The following FER variants were observed in gnomAD, a reference collection of about 807,000 sequenced individuals.
The protein encoded by FER is FER tyrosine kinase.
Under a neutral mutation model 111.0 loss-of-function variants are expected in FER, and 63 were observed. That is an observed-to-expected ratio of 0.57 (90% confidence interval 0.46 to 0.70). The LOEUF is 0.70. FER is among the 30% of genes least tolerant of loss of function. FER has a pLI of 0.00. For missense variants in FER, 914 were observed against 954.0 expected, an observed-to-expected ratio of 0.96 and a Z score of 0.55; for synonymous variants, 327 against 313.9, an observed-to-expected ratio of 1.04 and a Z score of -0.44.
At position 108,941,237 on chromosome 5, in the gene FER, A is replaced by G. The variant is rs564090035; in HGVS notation, c.1237-4893A>G. Among the ~76,000 whole-genome samples, 16 of 152,298 alleles carry G rather than the reference A, an allele frequency of 1.1e-4. No individual in the cohort carries two copies. The South Asian group carries it at 3.3e-3, about 32-fold the overall frequency. ...TTGATTTAAACTAAAACTGTAGCAA[A>G]GGCTAGAACCAACTTATTAACTACA... On this transcript the variant is annotated intron_variant, in intron 10 of 19. Coordinates refer to ENST00000281092, the MANE Select transcript of FER (RefSeq NM_005246.4).
At chr5:109,051,341 T>C (rs532455200) in intron 16 of FER, 78 of 1,607,698 alleles carry the variant, frequency 4.9e-5, no homozygotes, top group Admixed American at 3.7e-4. Context: ...GGCTGAGGCC[T>C]GCTGCTGGCA....
At chr5:109,112,238 G>A (rs771726169) in intron 17 of FER, among the ~76,000 whole-genome samples, 3 of 152,036 alleles carry the variant, frequency 2.0e-5, no homozygotes, top group Non-Finnish European at 2.9e-5. Flanking sequence ...TTATTATCCA[G>A]TTGTAGATGA....
chr5:108,946,138 G>A lies in FER; in HGVS notation c.1245G>A (p.Lys415=), dbSNP rs753625989. Reference sequence around the variant, plus strand: ...TTTCTTAATCCCTCCAGGAAAGAAAGGAGAGGCTATCCAAATTTGAATCTA... The same window carrying A: ...TTTCTTAATCCCTCCAGGAAAGAAAAGAGAGGCTATCCAAATTTGAATCTA... The part of the protein sequence containing the change: ...DARSVTSMER[K]ERLSKFESIR... The change falls in exon 11 of 20, where the codon AAG becomes AAA. Residue 415 remains lysine, a synonymous_variant. Coordinates refer to ENST00000281092, the MANE Select transcript of FER (RefSeq NM_005246.4). 8.2e-5 allele frequency: 132 copies of A among 1,611,552 alleles called. No homozygotes were observed. Among genetic ancestry groups the A allele is most frequent in the Non-Finnish European group, 1.1e-4 (129 of 1,178,352 alleles).
chr5:109,131,915 G>C (rs992484519), intron 17 of FER, among the ~76,000 whole-genome samples: 7 of 152,108 alleles, frequency 4.6e-5, no homozygotes, highest in Non-Finnish European at 1.0e-4. Context: ...TTTGCTGTCA[G>C]ACAGATCCAG....
At chr5:108,871,590 A>G in intron 7 of FER, 88 bp downstream of exon 7, 1 of 955,468 alleles carries the variant, frequency 1.0e-6, no homozygotes, top group East Asian at 2.6e-5. Context: ...AATAAGAAAT[A>G]CTTAAGATCT....
At chr5:108,984,176 C>G (rs1762314803) in intron 13 of FER, among the ~76,000 whole-genome samples, 1 of 151,900 alleles carries the variant, frequency 6.6e-6, no homozygotes, top group Admixed American at 6.6e-5. Context: ...TAAAAGATCC[C>G]TAAAAGTTTT....
At chr5:108,855,397 C>T (rs1762900835) in intron 5 of FER, among the ~76,000 whole-genome samples, 2 of 151,962 alleles carry the variant, frequency 1.3e-5, no homozygotes, top group African/African-American at 4.8e-5. Flanking sequence ...CTTTGGGAGG[C>T]CGAGGCGGGC....
chr5:109,065,924 T>C (rs966661697), intron 16 of FER, among the ~76,000 whole-genome samples: 2 of 152,188 alleles, frequency 1.3e-5, no homozygotes, highest in African/African-American at 4.8e-5. Context: ...AGAGTAAATT[T>C]GCCTAAATTA....
At chr5:109,054,624 T>A (rs1361423240) in intron 16 of FER, among the ~76,000 whole-genome samples, 2 of 152,218 alleles carry the variant, frequency 1.3e-5, no homozygotes, top group Non-Finnish European at 2.9e-5. Context: ...TTTTTTTCTT[T>A]TATGGATCAT....
intron 2 of FER, among the ~76,000 whole-genome samples, chr5:108,787,805 T>A (rs2081128): frequency 6.6e-6 from 1 of 151,976 alleles, no homozygotes; most frequent in Admixed American, 6.6e-5. Context: ...GGGCACACAT[T>A]GGGACAACCT....
rs559918572 is a variant in FER at position 108,978,512 on chromosome 5, T to A, written c.1656+19165T>A. Among the ~76,000 whole-genome samples, 24 of 152,372 alleles carry A rather than the reference T, an allele frequency of 1.6e-4. No individual in the cohort carries two copies. In the South Asian group the frequency reaches 5.0e-3, roughly 32 times the overall value. On this transcript the variant is annotated intron_variant, in intron 13 of 19. Transcript: ENST00000281092. ...TCTACCAGTTCATATTAAGTCCTCC[T>A]TTCCCTGTGCTTGCATACAATTCAC... is the stretch of plus-strand genomic sequence containing the variant.
At position 108,767,792 on chromosome 5, in the gene FER, T is replaced by A. The variant is rs75010435; in HGVS notation, c.-205-301T>A. Among the ~76,000 whole-genome samples, 3 of 152,292 alleles carry A rather than the reference T, an allele frequency of 2.0e-5. No homozygotes were observed. In the South Asian group the frequency reaches 6.2e-4, roughly 32 times the overall value. On this transcript the variant is annotated intron_variant, in intron 1 of 19. Transcript: ENST00000281092. ...CCACTGTGCCTGGTGTGTTTCAAAC[T>A]TGAAGTTAGTTTTATGATGTAAACG...
chr5:109,021,266 A>C (rs1767890002), intron 13 of FER, among the ~76,000 whole-genome samples: 1 of 152,008 alleles, frequency 6.6e-6, no homozygotes, highest in Admixed American at 6.6e-5. Flanking sequence ...ATTTGACCTT[A>C]ATAAGAGTGA....
At chr5:108,966,726 G>A (rs1033530810) in intron 13 of FER, among the ~76,000 whole-genome samples, 1 of 152,096 alleles carries the variant, frequency 6.6e-6, no homozygotes, top group Non-Finnish European at 1.5e-5. Flanking sequence ...ACTTTGGAAA[G>A]CATTTCTACA....
intron 14 of FER, among the ~76,000 whole-genome samples, chr5:109,043,701 G>A (rs1771518801): frequency 1.3e-5 from 2 of 152,202 alleles, no homozygotes; most frequent in South Asian, 4.2e-4. Flanking sequence ...TGCCAGGTGT[G>A]GTGGCTCACA....
At chr5:108,805,194 G>A (rs1173263517) in intron 3 of FER, among the ~76,000 whole-genome samples, 1 of 152,062 alleles carries the variant, frequency 6.6e-6, no homozygotes, top group Non-Finnish European at 1.5e-5. Context: ...AGTCTCATGA[G>A]ATCCGATGGT....
intron 5 of FER, among the ~76,000 whole-genome samples, chr5:108,859,381 A>C (rs1335086416): frequency 6.6e-6 from 1 of 151,724 alleles, no homozygotes; most frequent in Non-Finnish European, 1.5e-5. Context: ...CCTCCAACCA[A>C]CCCACCCAAC....
rs1195299672 is a variant in FER, at chr5:108,788,239, G to T, written c.-59-9885G>T. Among the ~76,000 whole-genome samples, 3 of 152,348 alleles carry T rather than the reference G, an allele frequency of 2.0e-5. No individual in the cohort carries two copies. The South Asian group carries it at 6.2e-4, about 32-fold the overall frequency. ...CCAACTGCAGCCTTGCACAGAGCCA[G>T]CGCCTGTGCTGGTGCCTGCCTGGAG... On this transcript the variant is annotated intron_variant, in intron 2 of 19. Coordinates refer to ENST00000281092, the MANE Select transcript of FER (RefSeq NM_005246.4).
chr5:108,987,946 T>C (rs1287974378), intron 13 of FER, among the ~76,000 whole-genome samples: 1 of 149,128 alleles, frequency 6.7e-6, no homozygotes, highest in Non-Finnish European at 1.5e-5. Context: ...TAGATGGCTT[T>C]TATTACGTTA....
Sources: allele counts gnomAD v4.1 joint callset (sites outside exome capture counted in the v4.1 genomes callset), GRCh38; gene constraint gnomAD v4.1.1; transcripts MANE v1.5; gene names NCBI Gene and HGNC (gene_info 2026-07-23, HGNC 2026-07-21).